Variants in PPARA observed in about 807,000 individuals in gnomAD.
The protein encoded by PPARA is peroxisome proliferator activated receptor alpha.
Under a neutral mutation model 42.2 loss-of-function variants are expected in PPARA, and 22 were observed. That is an observed-to-expected ratio of 0.52 (90% CI 0.37 to 0.74). The LOEUF is 0.74. PPARA is among the 30% of genes least tolerant of loss of function. The pLI is 0.00. For synonymous variants in PPARA, 242 were observed against 239.3 expected, an observed-to-expected ratio of 1.01 and a Z score of -0.10; for missense variants, 465 against 608.2, an observed-to-expected ratio of 0.76 and a Z score of 2.48.
Position 46,211,155 on chromosome 22 carries a change from C to A in PPARA, c.209-4018C>A, listed in dbSNP as rs1197872627. On this transcript the variant is annotated intron_variant, in intron 4 of 8. Transcript: ENST00000407236. This position sits in a 1 kb window ranked among gnomAD's most constrained non-coding sequence, Gnocchi z 4.1. ...GTATACATACTAACCTATGTCTATA[C>A]AGGAATCTATCGGTATTTCTGTCTG... 1.3e-5 allele frequency among the ~76,000 whole-genome samples: 2 copies of A among 152,180 alleles called. No individual in the cohort carries two copies. The highest frequency in any genetic ancestry group is 4.8e-5 in the African/African-American group (2 of 41,448).
rs1248229098 is a variant in PPARA, at chr22:46,195,810, C to T, written c.-42-2532C>T. 6.6e-6 allele frequency among the ~76,000 whole-genome samples: 1 copy of T among 152,172 alleles called. No homozygotes were observed. Among genetic ancestry groups the T allele is most frequent in the African/African-American group, 2.4e-5 (1 of 41,430 alleles). On this transcript the variant is annotated intron_variant, in intron 3 of 8. Coordinates refer to ENST00000407236, the MANE Select transcript of PPARA (RefSeq NM_005036.6). The surrounding 1 kb of genome is among the most constrained non-coding windows in gnomAD (Gnocchi z 4.6). The stretch of plus-strand genomic sequence containing the variant: ...CTGGTAGCAGCACATACCCCCGAGC[C>T]TCTCCGTGGTGTGCGCCGTGGGCAC...
rs59733161 is a variant in PPARA, at chr22:46,185,916, AATATATATATATATAT to A, written c.-43+9114_-43+9129del. Among the ~76,000 whole-genome samples, 48 of 25,308 alleles carry A rather than the reference AATATATATATATATAT, an allele frequency of 1.9e-3. 4 individuals carry two copies. The highest frequency in any genetic ancestry group is 8.5e-3 in the African/African-American group (43 of 5,070). 16.6% of individuals were successfully genotyped at this position (25,308 alleles called of 152,430 possible). On this transcript the variant is annotated intron_variant, in intron 3 of 8. Transcript: ENST00000407236. ...TCTCCAAAAAAAAAAAAAAAAAAAAAATATATATATATATATATATATATATATATATATATATATA... is the reference window on the plus strand; with the variant it reads ...TCTCCAAAAAAAAAAAAAAAAAAAAAATATATATATATATATATATATATA...
intron 3 of PPARA, among the ~76,000 whole-genome samples, chr22:46,179,501 G>T (rs966780191): frequency 1.3e-5 from 2 of 152,106 alleles, no homozygotes; most frequent in Admixed American, 6.5e-5. Flanking sequence ...CTGGTGCAAT[G>T]GTTATCCATA....
rs900551770 is a variant in PPARA, at chr22:46,204,934, C to T, written c.208+6343C>T. Among the ~76,000 whole-genome samples the T allele has an allele frequency of 6.6e-6, 1 of 152,020 alleles. No individual in the cohort carries two copies. Among genetic ancestry groups the T allele is most frequent in the African/African-American group, 2.4e-5 (1 of 41,420 alleles). On this transcript the variant is annotated intron_variant, in intron 4 of 8. Coordinates refer to ENST00000407236, the MANE Select transcript of PPARA (RefSeq NM_005036.6). This position sits in a 1 kb window ranked among gnomAD's most constrained non-coding sequence, Gnocchi z 5.2. ...CCAGGCTAGAGTGCAGTGGTGCGAT[C>T]ATGGCTTACTGCAGCCTTGACCTCT...
chr22:46,168,404 A>G (rs1927451350), intron 2 of PPARA, among the ~76,000 whole-genome samples: 1 of 150,772 alleles, frequency 6.6e-6, no homozygotes, highest in Non-Finnish European at 1.5e-5. Context: ...TATAAAAGAA[A>G]AAATTAATAA....
rs1355244640 is a variant in PPARA, at chr22:46,219,841, G to T, written c.538G>T (p.Glu180Ter). The part of the protein sequence containing the change: ...AIRFGRMPRS[E>*]KAKLKAEILT... ...TCGTTTTGGACGAATGCCAAGATCT[G>T]AGAAAGCAAAACTGAAAGCAGAAAT... Residue 180 changes from glutamate to a stop codon, truncating the protein, a stop_gained, in exon 7 of 9, where the codon GAG becomes TAG. Coordinates refer to ENST00000407236, the MANE Select transcript of PPARA (RefSeq NM_005036.6). LOFTEE classifies it high-confidence loss of function. The surrounding 1 kb of genome is among the most constrained non-coding windows in gnomAD (Gnocchi z 4.8). The T allele has an allele frequency of 6.2e-7, 1 of 1,614,086 alleles. No individual in the cohort carries two copies.
chr22:46,172,768 C>T (rs149754243), intron 2 of PPARA, among the ~76,000 whole-genome samples: 128 of 152,302 alleles, frequency 8.4e-4, no homozygotes, highest in African/African-American at 3.1e-3. Context: ...TTCCAGGCTT[C>T]AGATAGAGCC....
rs1205317446 is a variant in PPARA, at chr22:46,156,574, C to T, written c.-127+4604C>T. On this transcript the variant is annotated intron_variant, in intron 2 of 8. Transcript: ENST00000407236. This position sits in a 1 kb window ranked among gnomAD's most constrained non-coding sequence, Gnocchi z 5.2. ...TAAAAGTGAGATTTCTCCACCAGTA[C>T]AATAAAGTTGTTACAAGTGGTTCCT... 1.3e-5 allele frequency: 2 copies of T among 152,144 alleles called. No individual in the cohort carries two copies. Among genetic ancestry groups the T allele is most frequent in the African/African-American group, 4.8e-5 (2 of 41,432 alleles). 9.4% of individuals were successfully genotyped at this position (152,144 alleles called of 1,614,324 possible).
Position 46,155,006 on chromosome 22 carries a change from A to C in PPARA, c.-127+3036A>C, listed in dbSNP as rs1185842429. 6 of 140,542 alleles carry C rather than the reference A, an allele frequency of 4.3e-5. 1 individual carries two copies. The highest frequency in any genetic ancestry group is 6.0e-5 in the Non-Finnish European group (4 of 66,634). 8.7% of individuals were successfully genotyped at this position (140,542 alleles called of 1,614,324 possible). A position where few individuals can be genotyped will look rare whatever the true frequency, so the allele number is the denominator to read the frequency against. On this transcript the variant is annotated intron_variant, in intron 2 of 8. Coordinates refer to ENST00000407236, the MANE Select transcript of PPARA (RefSeq NM_005036.6). ...CTTTCTTTAAAAAAAAAAAAAAAAA[A>C]AAAAAAAAAAAAAAAAAAAAACCAC...
At chr22:46,214,315 G>A (rs180794905) in intron 4 of PPARA, among the ~76,000 whole-genome samples, 1 of 151,850 alleles carries the variant, frequency 6.6e-6, no homozygotes, top group Admixed American at 6.6e-5. Context: ...CGGGTCCGAT[G>A]TGTGGGTCCG....
At chr22:46,229,491 A>G (rs1023809953) in intron 7 of PPARA, among the ~76,000 whole-genome samples, 1 of 151,670 alleles carries the variant, frequency 6.6e-6, no homozygotes, top group African/African-American at 2.4e-5. Context: ...AGGCGGAGGC[A>G]GAGGTTGCAA....
At chr22:46,179,802 G>A (rs146623336) in intron 3 of PPARA, among the ~76,000 whole-genome samples, 8 of 152,256 alleles carry the variant, frequency 5.3e-5, no homozygotes, top group East Asian at 3.9e-4. Context: ...AGAAATATTC[G>A]AAAAGCATTT....
chr22:46,215,158 C>G lies in PPARA; in HGVS notation c.209-15C>G. On this transcript the variant is annotated splice_polypyrimidine_tract_variant and intron_variant, in intron 4 of 8. Transcript: ENST00000407236. ...ATGCCTGGACTATTCATCCGTCTCT[C>G]CTCTTTTTCCCCAGACACGCTTTCA... 8.7e-6 allele frequency: 14 copies of G among 1,613,248 alleles called. No individual in the cohort carries two copies. Among genetic ancestry groups the G allele is most frequent in the Non-Finnish European group, 1.1e-5 (13 of 1,179,720 alleles).
chr22:46,234,058 G>C lies in PPARA; in HGVS notation c.1160-1075G>C, dbSNP rs1004314089. Among the ~76,000 whole-genome samples the C allele has an allele frequency of 1.3e-5, 2 of 151,970 alleles. No individual in the cohort carries two copies. Among genetic ancestry groups the C allele is most frequent in the Admixed American group, 6.6e-5 (1 of 15,262 alleles). The stretch of plus-strand genomic sequence containing the variant: ...AGGCTGGTCTCAAACTCCTGACCCC[G>C]GGTGACCCACCCACCTCGGCCTCCC... On this transcript the variant is annotated intron_variant, in intron 8 of 8. Transcript: ENST00000407236. This position sits in a 1 kb window ranked among gnomAD's most constrained non-coding sequence, Gnocchi z 5.8.
rs1027155274 is a variant in PPARA, at chr22:46,184,262, T to C, written c.-43+7426T>C. On this transcript the variant is annotated intron_variant, in intron 3 of 8. Coordinates refer to ENST00000407236, the MANE Select transcript of PPARA (RefSeq NM_005036.6). This position sits in a 1 kb window ranked among gnomAD's most constrained non-coding sequence, Gnocchi z 4.4. ...GCAACCTGCAACACGCCACTGCAAGTTGGATGTCTAGAAAAGGTGCCATGA... is the reference window on the plus strand; with the variant it reads ...GCAACCTGCAACACGCCACTGCAAGCTGGATGTCTAGAAAAGGTGCCATGA... 7.2e-5 allele frequency among the ~76,000 whole-genome samples: 11 copies of C among 152,214 alleles called. No individual in the cohort carries two copies. Among genetic ancestry groups the C allele is most frequent in the Admixed American group, 5.2e-4 (8 of 15,280 alleles).
At chr22:46,164,776 T>C (rs1269739276) in intron 2 of PPARA, 2 of 152,228 alleles carry the variant, frequency 1.3e-5, no homozygotes, top group Non-Finnish European at 2.9e-5. Flanking sequence ...ATTTTATTAG[T>C]GTTTTAATGA....
At chr22:46,217,281 A>G (rs749322636) in intron 5 of PPARA, among the ~76,000 whole-genome samples, 4 of 152,218 alleles carry the variant, frequency 2.6e-5, no homozygotes, top group Non-Finnish European at 4.4e-5. Flanking sequence ...AAAAATATAG[A>G]AGAATGACTT....
intron 7 of PPARA, among the ~76,000 whole-genome samples, chr22:46,229,300 G>T (rs939564161): frequency 2.0e-5 from 3 of 151,734 alleles, no homozygotes; most frequent in Non-Finnish European, 4.4e-5. Flanking sequence ...ATGTAATCCT[G>T]GCCTGCACTT....
Position 46,232,422 on chromosome 22 carries a change from T to C in PPARA, c.1159+183T>C, listed in dbSNP as rs1935939125. Among the ~76,000 whole-genome samples, 1 of 152,046 alleles carries C rather than the reference T, an allele frequency of 6.6e-6. No individual in the cohort carries two copies. The highest frequency in any genetic ancestry group is 2.4e-5 in the African/African-American group (1 of 41,402). On this transcript the variant is annotated intron_variant, in intron 8 of 8. Transcript: ENST00000407236. This position sits in a 1 kb window ranked among gnomAD's most constrained non-coding sequence, Gnocchi z 5.3. The stretch of plus-strand genomic sequence containing the variant: ...CAGTGGGAATTATAACAATATTGTA[T>C]AATATTATAGTATATATTGTTATTA...
Sources: gnomAD v4.1 joint callset for allele counts (sites outside exome capture counted in the v4.1 genomes callset) on GRCh38, gnomAD v4.1.1 for gene constraint, Gnocchi (gnomAD v3.1) non-coding constraint, MANE v1.5 for transcripts, NCBI Gene and HGNC (gene_info 2026-07-23, HGNC 2026-07-21) for gene names.